Variants in GRM8 observed in about 807,000 individuals in gnomAD.
GRM8 encodes glutamate metabotropic receptor 8.
A neutral mutation model predicts 87.2 loss-of-function variants in GRM8; 47 were observed. The observed-to-expected ratio is 0.54, with a 90% CI of 0.43 to 0.69. The LOEUF is 0.69. Among genes scored for constraint, GRM8 ranks in the 30% least tolerant of loss-of-function variants. GRM8 has a pLI of 0.00. For synonymous variants in GRM8, 396 were observed against 404.5 expected (o/e 0.98, Z 0.25); for missense variants, 1,019 against 1,139.2 (o/e 0.89, Z 1.52).
At chr7:127,009,074 T>G (rs1814618174) in intron 3 of GRM8, among the ~76,000 whole-genome samples, 1 of 142,836 alleles carries the variant, frequency 7.0e-6, no homozygotes, top group African/African-American at 2.6e-5. Flanking sequence ...AATGATCCAG[T>G]TTTTTTTTTT....
At chr7:126,568,893 G>A (rs1024729956) in intron 8 of GRM8, among the ~76,000 whole-genome samples, 15 of 152,106 alleles carry the variant, frequency 9.9e-5, no homozygotes, top group African/African-American at 2.4e-4. Context: ...AAGATGAAAC[G>A]TACTGAGCAA....
chr7:126,527,998 G>C (rs1355045261), intron 9 of GRM8, among the ~76,000 whole-genome samples: 1 of 152,212 alleles, frequency 6.6e-6, no homozygotes, highest in African/African-American at 2.4e-5. Context: ...GAGGTCAAGA[G>C]ATTGAGACCA....
chr7:126,449,898 T>A (rs769821831), intron 9 of GRM8, among the ~76,000 whole-genome samples: 7 of 151,846 alleles, frequency 4.6e-5, no homozygotes, highest in Non-Finnish European at 1.0e-4. Context: ...ATGGGGACTA[T>A]CTTTTCTATC....
intron 9 of GRM8, among the ~76,000 whole-genome samples, chr7:126,498,602 C>T (rs1435236881): frequency 6.6e-6 from 1 of 151,934 alleles, no homozygotes; most frequent in African/African-American, 2.4e-5. Context: ...AGTGGGGGGA[C>T]ATGTACTGTT....
chr7:126,496,985 T>TTGC (rs1808855796), intron 9 of GRM8, among the ~76,000 whole-genome samples: 1 of 151,386 alleles, frequency 6.6e-6, no homozygotes, highest in Non-Finnish European at 1.5e-5. Context: ...TTTTTTTTTT[T>TTGC]TGCTGCTGCT....
At chr7:126,877,933 T>A (rs2130958543) in intron 6 of GRM8, among the ~76,000 whole-genome samples, 1 of 152,326 alleles carries the variant, frequency 6.6e-6, no homozygotes, top group East Asian at 1.9e-4. Flanking sequence ...ATAACTCCCC[T>A]GTGAAATATA....
intron 9 of GRM8, chr7:126,512,067 T>C (rs1237041630): frequency 1.3e-5 from 2 of 152,054 alleles, no homozygotes; most frequent in Non-Finnish European, 2.9e-5. Context: ...TTTCTGCTTA[T>C]AGATTAATAA....
In GRM8 at chr7:126,797,855, T is replaced by G. The variant is rs138926257; in HGVS notation, c.1157-27790A>C. Among the ~76,000 whole-genome samples the G allele has an allele frequency of 1.3e-3, 203 of 152,232 alleles. 4 individuals are homozygous for G. Among genetic ancestry groups the G allele is most frequent in the African/African-American group, 4.4e-3 (184 of 41,552 alleles). ...TCTTCTCCCTCATAGCAACATGAACTTTTGTCTGGCTCAAGCCCAATACTA... is the reference window on the plus strand; with the variant it reads ...TCTTCTCCCTCATAGCAACATGAACGTTTGTCTGGCTCAAGCCCAATACTA... On this transcript the variant is annotated intron_variant, in intron 6 of 10. Transcript: ENST00000339582.
chr7:127,120,220 C>T (rs1826953349), intron 2 of GRM8, among the ~76,000 whole-genome samples: 1 of 152,268 alleles, frequency 6.6e-6, no homozygotes, highest in Non-Finnish European at 1.5e-5. Context: ...CCTTGTTTAG[C>T]CCTCCCTTTT....
chr7:126,879,670 T>C (rs1451337057), intron 6 of GRM8, among the ~76,000 whole-genome samples: 4 of 152,200 alleles, frequency 2.6e-5, no homozygotes, highest in Non-Finnish European at 5.9e-5. Flanking sequence ...AAGGAATTAA[T>C]TTTACACCAG....
chr7:126,501,039 T>A (rs558101064), intron 9 of GRM8, among the ~76,000 whole-genome samples: 4 of 152,126 alleles, frequency 2.6e-5, no homozygotes, highest in African/African-American at 9.6e-5. Context: ...AAATGCTGCT[T>A]ACATACAATA....
At chr7:126,887,529 T>C (rs1800611766) in intron 6 of GRM8, among the ~76,000 whole-genome samples, 1 of 151,990 alleles carries the variant, frequency 6.6e-6, no homozygotes. Context: ...TTTTGACAAA[T>C]CTTACTCTCT....
chr7:126,677,835 A>G (rs1807144686), intron 7 of GRM8, among the ~76,000 whole-genome samples: 1 of 152,232 alleles, frequency 6.6e-6, no homozygotes, highest in South Asian at 2.1e-4. Context: ...TTGTATTCGT[A>G]AAGGTATTGA....
At chr7:126,844,793 CTT>C (rs1386630618) in intron 6 of GRM8, among the ~76,000 whole-genome samples, 1 of 152,168 alleles carries the variant, frequency 6.6e-6, no homozygotes, top group Non-Finnish European at 1.5e-5. Context: ...AATGATCTCT[CTT>C]ACTCTTCTTC....
chr7:126,863,488 T>C (rs1798314511), intron 6 of GRM8, among the ~76,000 whole-genome samples: 8 of 152,152 alleles, frequency 5.3e-5, no homozygotes, highest in Admixed American at 3.9e-4. Context: ...ATCTGAGCCA[T>C]AGCAAGATAA....
chr7:126,868,222 T>A (rs968595003), intron 6 of GRM8, among the ~76,000 whole-genome samples: 21 of 152,172 alleles, frequency 1.4e-4, no homozygotes, highest in Non-Finnish European at 2.8e-4. Context: ...CACTACTGTG[T>A]GAAGGGCATG....
intron 6 of GRM8, among the ~76,000 whole-genome samples, chr7:126,815,091 T>C (rs1405846138): frequency 1.3e-5 from 2 of 152,110 alleles, no homozygotes; most frequent in East Asian, 1.9e-4. Flanking sequence ...AAGACAGTAA[T>C]AGAGATTCAA....
intron 2 of GRM8, among the ~76,000 whole-genome samples, chr7:127,178,236 A>G (rs1794229425): frequency 1.3e-5 from 2 of 152,192 alleles, no homozygotes; most frequent in African/African-American, 4.8e-5. Flanking sequence ...ATAATTGAGC[A>G]AGTAGAAGAA....
intron 7 of GRM8, among the ~76,000 whole-genome samples, chr7:126,662,882 A>G (rs986478595): frequency 6.6e-5 from 10 of 152,246 alleles, no homozygotes; most frequent in Admixed American, 6.5e-4. Flanking sequence ...AATAGAGGAC[A>G]ACTGTCAATT....
Sources: gnomAD v4.1 joint callset for allele counts (sites outside exome capture counted in the v4.1 genomes callset) on GRCh38, gnomAD v4.1.1 for gene constraint, MANE v1.5 for transcripts, NCBI Gene and HGNC (gene_info 2026-07-23, HGNC 2026-07-21) for gene names.